AIRE: variants seen among roughly 807,000 people sequenced by gnomAD.
AIRE encodes autoimmune regulator.
Under a neutral mutation model 62.1 loss-of-function variants are expected in AIRE, and 52 were observed. The ratio of observed to expected loss-of-function variants is 0.84; its 90% CI spans 0.67 to 1.06. The LOEUF (loss-of-function observed/expected upper bound fraction) is 1.06, where lower values mean the gene tolerates loss of function less well. Ranked by LOEUF, AIRE falls within the 50% of genes least tolerant of loss-of-function variation. The pLI is 0.00. For missense variants in AIRE, 774 were observed against 755.8 expected (o/e 1.02, Z -0.28); for synonymous variants, 342 against 321.6 (o/e 1.06, Z -0.68).
chr21:44,292,144 G>C (rs2040547659), intron 8 of AIRE, among the ~76,000 whole-genome samples, 158 bp from the exon 9 acceptor site: 4 of 152,120 alleles, frequency 2.6e-5, no homozygotes, highest in African/African-American at 9.7e-5. Flanking sequence ...CCCCTGCTGG[G>C]CTCTCCCTTC....
In AIRE at chr21:44,287,488, G is replaced by GCCAGGCTGC. The variant is rs1218533820; in HGVS notation, c.464-26_464-18dup. ...GCACTCACCCCCACTGAGAGGGGAG[G>GCCAGGCTGC]CCAGGCTGCCCCCAGCTCCCCCATT... On this transcript the variant is annotated intron_variant, in intron 3 of 13. Coordinates refer to ENST00000291582, the MANE Select transcript of AIRE (RefSeq NM_000383.4). This position sits in a 1 kb window ranked among gnomAD's most constrained non-coding sequence, Gnocchi z 4.3. The GCCAGGCTGC allele has an allele frequency of 1.3e-6, 2 of 1,530,614 alleles. No homozygotes were observed. Among genetic ancestry groups the GCCAGGCTGC allele is most frequent in the South Asian group, 2.4e-5 (2 of 83,518 alleles). The allele number at this position is 1,530,614 out of a possible 1,614,324, so 94.8% of individuals were successfully genotyped here.
Position 44,293,169 on chromosome 21 carries a change from T to C in AIRE, c.1272T>C (p.Gly424=), listed in dbSNP as rs527566053. The C allele has an allele frequency of 1.3e-6, 2 of 1,561,432 alleles. No homozygotes were observed. The highest frequency in any genetic ancestry group is 2.3e-5 in the South Asian group (2 of 85,798). ...CCCTACTGTGTGTGGGTCCTGAGGG[T>C]CAGCAGGTGAGCGGGGAGTGGGGGT... ...LHPLLCVGPE[G]QQNLAPGARC... is the part of the protein sequence containing the mutation. Residue 424 remains glycine (G), a synonymous_variant, in exon 10 of 14, where the codon GGT becomes GGC. Coordinates refer to ENST00000291582, the MANE Select transcript of AIRE (RefSeq NM_000383.4).
At chr21:44,295,959 G>T (rs1285459067) in intron 12 of AIRE, among the ~76,000 whole-genome samples, 3 of 152,178 alleles carry the variant, frequency 2.0e-5, no homozygotes, top group Non-Finnish European at 4.4e-5. Flanking sequence ...TCTGCTGGGG[G>T]TGCCTGCCTG....
rs1414619897 is a variant in AIRE at position 44,297,292 on chromosome 21, T to G, written c.1567-364T>G. 6.6e-6 allele frequency among the ~76,000 whole-genome samples: 1 copy of G among 152,174 alleles called. No homozygotes were observed. Among genetic ancestry groups the G allele is most frequent in the African/African-American group, 2.4e-5 (1 of 41,534 alleles). ...GGGAGCATCAGGCTCCTGAGCAGAATAAGTAGCTGGCCCCGACCCCCCCAC... is the reference window on the plus strand; with the variant it reads ...GGGAGCATCAGGCTCCTGAGCAGAAGAAGTAGCTGGCCCCGACCCCCCCAC... On this transcript the variant is annotated intron_variant, in intron 13 of 13. Coordinates refer to ENST00000291582, the MANE Select transcript of AIRE (RefSeq NM_000383.4). The surrounding 1 kb of genome is among the most constrained non-coding windows in gnomAD (Gnocchi z 4.8).
chr21:44,289,288 C>G (rs62220374), intron 5 of AIRE: 49,033 of 307,656 alleles, frequency 0.16, 5,658 homozygotes, highest in East Asian at 0.36. Context: ...ACCCACCGCT[C>G]CAGCCTCTGC....
At chr21:44,296,072 C>A (rs2040603976) in intron 12 of AIRE, among the ~76,000 whole-genome samples, 2 of 152,188 alleles carry the variant, frequency 1.3e-5, no homozygotes. Flanking sequence ...CCTCTCTGGG[C>A]CTCAGACTTC....
chr21:44,290,790 C>CAGGGTT (rs757987385), intron 7 of AIRE: 5 of 1,501,688 alleles, frequency 3.3e-6, no homozygotes, highest in Non-Finnish European at 4.5e-6. Flanking sequence ...GCCCCACTGC[C>CAGGGTT]CTGTGAGGAA....
chr21:44,287,257 T>C lies in AIRE; in HGVS notation c.463+124T>C. ...TGTGGGGCCAGCCTGCCTGGGGCTG[T>C]GGGGGTCTCCTCTGGGTACTAGACC... On this transcript the variant is annotated intron_variant, in intron 3 of 13. Transcript: ENST00000291582. The surrounding 1 kb of genome is among the most constrained non-coding windows in gnomAD (Gnocchi z 4.3). 1 of 1,225,944 alleles carries C rather than the reference T, an allele frequency of 8.2e-7. No homozygotes were observed. Among genetic ancestry groups the C allele is most frequent in the East Asian group, 2.5e-5 (1 of 39,606 alleles). 75.9% of individuals were successfully genotyped at this position (1,225,944 alleles called of 1,614,324 possible).
In AIRE at chr21:44,286,909, T is replaced by A; in HGVS notation, c.308-69T>A. 1 of 1,608,030 alleles carries A rather than the reference T, an allele frequency of 6.2e-7. No homozygotes were observed. The highest frequency in any genetic ancestry group is 8.5e-7 in the Non-Finnish European group (1 of 1,176,398). Reference sequence around the variant, plus strand: ...TCACCTGTCTGGCCAAGGTGTCCAGTTCTGGGGCCCACCCTACCCCTGGAG... The same window carrying A: ...TCACCTGTCTGGCCAAGGTGTCCAGATCTGGGGCCCACCCTACCCCTGGAG... On this transcript the variant is annotated intron_variant, in intron 2 of 13. Transcript: ENST00000291582. The surrounding 1 kb of genome is among the most constrained non-coding windows in gnomAD (Gnocchi z 6.0).
intron 5 of AIRE, 176 bp from the exon 6 acceptor site, chr21:44,289,481 T>G: frequency 2.6e-6 from 2 of 765,428 alleles, no homozygotes; most frequent in Non-Finnish European, 4.2e-6. Context: ...AACACCCTGG[T>G]GTAGATCCAG....
rs992752920 is a variant in AIRE, at chr21:44,288,545, G to A, written c.652+87G>A. 15 of 981,780 alleles carry A rather than the reference G, an allele frequency of 1.5e-5. No individual in the cohort carries two copies. The African/African-American group carries it at 2.2e-4, about 15-fold the overall frequency. The allele number at this position is 981,780 out of a possible 1,614,324, so 60.8% of individuals were successfully genotyped here. On this transcript the variant is annotated intron_variant, in intron 5 of 13. Coordinates refer to ENST00000291582, the MANE Select transcript of AIRE (RefSeq NM_000383.4). ...GACCACGCCCCTTTGCATCCTGGTG[G>A]TCCCACAGCAGACCGGACTGTTGCT...
At position 44,297,765 on chromosome 21, in the gene AIRE, T is replaced by C. The variant is rs201232767; in HGVS notation, c.*38T>C. 240 of 1,575,868 alleles carry C rather than the reference T, an allele frequency of 1.5e-4. No individual in the cohort carries two copies. In the African/African-American group the frequency reaches 3.1e-3, roughly 20 times the overall value. Reference sequence around the variant, plus strand: ...GGGACATGCAGCTCTGATGAGAGAGTGCTGAGAAGGACACCTCCTTCCTCA... The same window carrying C: ...GGGACATGCAGCTCTGATGAGAGAGCGCTGAGAAGGACACCTCCTTCCTCA... On this transcript the variant is annotated 3_prime_UTR_variant, in exon 14 of 14. Coordinates refer to ENST00000291582, the MANE Select transcript of AIRE (RefSeq NM_000383.4). This position sits in a 1 kb window ranked among gnomAD's most constrained non-coding sequence, Gnocchi z 4.8.
At chr21:44,290,354 G>A (rs971580353) in intron 7 of AIRE, 7 of 985,330 alleles carry the variant, frequency 7.1e-6, no homozygotes, top group African/African-American at 1.7e-5. Flanking sequence ...TGGGTGGGCC[G>A]GGCGCCCCTG....
intron 7 of AIRE, chr21:44,290,889 C>T (rs1243284630): frequency 1.9e-5 from 31 of 1,609,002 alleles, no homozygotes; most frequent in Middle Eastern, 3.3e-4. Flanking sequence ...GGGATGGCCC[C>T]GGGGGGTGTC....
chr21:44,289,461 GACGCTGTTGAAC>G, intron 5 of AIRE, 184 bp from the exon 6 acceptor site: 1 of 656,090 alleles, frequency 1.5e-6, no homozygotes, highest in East Asian at 2.8e-5. Context: ...AACTTCGGGG[GACGCTGTTGAAC>G]ACCCTGGTGT....
chr21:44,292,937 T>G, intron 9 of AIRE, 56 bp from the exon 10 acceptor site: 2 of 1,550,656 alleles, frequency 1.3e-6, no homozygotes, highest in South Asian at 1.1e-5. Context: ...CACTGACTCC[T>G]GGGTGGTGCC....
chr21:44,287,315 G>A lies in AIRE; in HGVS notation c.463+182G>A, dbSNP rs2040492722. ...TGGACCAGCCTCTCAGCTCCCTCCT[G>A]CCTGAAGGCTGAGCTCCCCGGAGCT... On this transcript the variant is annotated intron_variant, in intron 3 of 13. Transcript: ENST00000291582. The surrounding 1 kb of genome is among the most constrained non-coding windows in gnomAD (Gnocchi z 4.3). 2 of 787,936 alleles carry A rather than the reference G, an allele frequency of 2.5e-6. No individual in the cohort carries two copies. The highest frequency in any genetic ancestry group is 4.1e-6 in the Non-Finnish European group (2 of 492,750). 48.8% of individuals were successfully genotyped at this position (787,936 alleles called of 1,614,324 possible).
Position 44,298,399 on chromosome 21 carries a change from CTG to C in AIRE, c.*674_*675del, listed in dbSNP as rs1555873771. ...TCACACAGTATCTGTCCTTTTGTGT[CTG>C]TCTTATTTTACTCAGCATGGTGGCC... is the stretch of plus-strand genomic sequence containing the variant. On this transcript the variant is annotated 3_prime_UTR_variant, in exon 14 of 14. Transcript: ENST00000291582. The C allele has an allele frequency of 1.3e-5, 2 of 155,984 alleles. No individual in the cohort carries two copies. The highest frequency in any genetic ancestry group is 1.4e-5 in the Non-Finnish European group (1 of 70,260). 9.7% of individuals were successfully genotyped at this position (155,984 alleles called of 1,614,324 possible).
In AIRE at chr21:44,287,248, C is replaced by A; in HGVS notation, c.463+115C>A. On this transcript the variant is annotated intron_variant, in intron 3 of 13. Coordinates refer to ENST00000291582, the MANE Select transcript of AIRE (RefSeq NM_000383.4). The surrounding 1 kb of genome is among the most constrained non-coding windows in gnomAD (Gnocchi z 4.3). ...CCCACTGGGTGTGGGGCCAGCCTGC[C>A]TGGGGCTGTGGGGGTCTCCTCTGGG... 2 of 1,331,908 alleles carry A rather than the reference C, an allele frequency of 1.5e-6. No homozygotes were observed. The allele number at this position is 1,331,908 out of a possible 1,614,324, so 82.5% of individuals were successfully genotyped here.
Sources: gnomAD v4.1 joint callset for allele counts (sites outside exome capture counted in the v4.1 genomes callset) on GRCh38, gnomAD v4.1.1 for gene constraint, Gnocchi (gnomAD v3.1) non-coding constraint, MANE v1.5 for transcripts, NCBI Gene and HGNC (gene_info 2026-07-23, HGNC 2026-07-21) for gene names.